Variants in ABCA13 observed in about 807,000 individuals in gnomAD.
ABCA13 encodes the protein ATP-binding cassette sub-family A member 13.
A neutral mutation model predicts 478.7 loss-of-function variants in ABCA13; 476 were observed. The observed-to-expected ratio is 0.99, with a 90% CI of 0.92 to 1.07. ABCA13 has a LOEUF of 1.07. ABCA13 is among the 50% of genes least tolerant of loss of function. ABCA13 has a pLI of 0.00. For synonymous variants in ABCA13, 2,252 were observed against 2,158.9 expected, an observed-to-expected ratio of 1.04 and a Z score of -1.20; for missense variants, 6,060 against 5,910.6, an observed-to-expected ratio of 1.03 and a Z score of -0.83.
intron 19 of ABCA13, among the ~76,000 whole-genome samples, chr7:48,282,459 CA>C: frequency 6.6e-6 from 1 of 152,024 alleles, no homozygotes; most frequent in East Asian, 1.9e-4. Context: ...TGGGTTTTGA[CA>C]ACATGAATCG....
chr7:48,374,409 A>G lies in ABCA13; in HGVS notation c.11196A>G (p.Gln3732=). 1 of 1,608,812 alleles carries G rather than the reference A, an allele frequency of 6.2e-7. No individual in the cohort carries two copies. Among genetic ancestry groups the G allele is most frequent in the Non-Finnish European group, 8.5e-7 (1 of 1,177,692 alleles). The change falls in exon 34 of 62, where the codon CAA becomes CAG. Residue 3732 remains glutamine (Q), a synonymous_variant. Coordinates refer to ENST00000435803, the MANE Select transcript of ABCA13 (RefSeq NM_152701.5). ...TTTTTATTACATTCCTGGAAGGACA[A>G]GAGACAGGTAAGAGCATGCATGTGT... ...GVFFITFLEG[Q]ETGIQWNNMY...
intron 27 of ABCA13, among the ~76,000 whole-genome samples, chr7:48,335,221 A>G (rs775817121): frequency 1.3e-5 from 2 of 152,324 alleles, no homozygotes; most frequent in Middle Eastern, 3.4e-3. Flanking sequence ...CCCTGGATGG[A>G]CAGAGTCAAG....
At chr7:48,407,427 G>C (rs1818409343) in intron 39 of ABCA13, among the ~76,000 whole-genome samples, 1 of 151,436 alleles carries the variant, frequency 6.6e-6, no homozygotes, top group Non-Finnish European at 1.5e-5. Context: ...AGTGAGCTGA[G>C]ACTGTGCCAC....
At chr7:48,330,497 A>G (rs555973496) in intron 27 of ABCA13, among the ~76,000 whole-genome samples, 1 of 150,246 alleles carries the variant, frequency 6.7e-6, no homozygotes, top group South Asian at 2.1e-4. Flanking sequence ...CCATCCATCC[A>G]TCCATCCATC....
chr7:48,477,559 C>T (rs1326932509), intron 45 of ABCA13, among the ~76,000 whole-genome samples: 1 of 151,894 alleles, frequency 6.6e-6, no homozygotes, highest in African/African-American at 2.4e-5. Context: ...ACTATGCAGC[C>T]ATAAAAAATA....
rs779389703 is a variant in ABCA13, at chr7:48,352,348, G to A, written c.10549G>A (p.Gly3517Arg). ...CCACCCTCAGAATCTACCAGCTGAT[G>A]GGTTCAAATATAACTACGTCTTTGC... ...KFHPQNLPAD[G>R]FKYNYVFAPL... Residue 3517 changes from glycine to arginine, a missense_variant, in exon 31 of 62, where the codon GGG becomes AGG. Physicochemically the swap from Gly to Arg is moderately radical, Grantham distance 125. Around this residue, in one of 3 missense-constraint regions of ABCA13, gnomAD observed 4,423 missense variants for 4,309.1 expected, o/e 1.03. Transcript: ENST00000435803. 4 of 1,613,742 alleles carry A rather than the reference G, an allele frequency of 2.5e-6. No individual in the cohort carries two copies. The South Asian group carries it at 3.3e-5, about 13-fold the overall frequency.
chr7:48,257,803 G>A (rs1247291502), intron 15 of ABCA13, among the ~76,000 whole-genome samples: 1 of 152,192 alleles, frequency 6.6e-6, no homozygotes, highest in East Asian at 1.9e-4. Context: ...TTGGTATCAG[G>A]ATGATGCTAG....
intron 3 of ABCA13, among the ~76,000 whole-genome samples, chr7:48,209,876 T>C (rs1584209494): frequency 6.6e-6 from 1 of 152,300 alleles, no homozygotes; most frequent in East Asian, 1.9e-4. Flanking sequence ...GTCTTCTCTG[T>C]TTTTTCCTAT....
At chr7:48,623,719 A>G (rs567640308) in intron 59 of ABCA13, among the ~76,000 whole-genome samples, 15 of 152,300 alleles carry the variant, frequency 9.8e-5, no homozygotes, top group African/African-American at 2.9e-4. Flanking sequence ...CTCTTAAAGT[A>G]GCTTTCTGTC....
intron 44 of ABCA13, among the ~76,000 whole-genome samples, chr7:48,468,298 G>C (rs941654974): frequency 7.2e-5 from 11 of 152,102 alleles, no homozygotes; most frequent in African/African-American, 2.7e-4. Context: ...TCCTCTCTCT[G>C]TTCCATGAGC....
chr7:48,631,068 A>G (rs2131636794), intron 59 of ABCA13, among the ~76,000 whole-genome samples: 1 of 151,826 alleles, frequency 6.6e-6, no homozygotes, highest in Non-Finnish European at 1.5e-5. Flanking sequence ...TTGGGTGCAT[A>G]GTTTGGAAAT....
At chr7:48,195,288 T>C (rs949980166) in intron 2 of ABCA13, among the ~76,000 whole-genome samples, 3 of 152,174 alleles carry the variant, frequency 2.0e-5, no homozygotes, top group Non-Finnish European at 4.4e-5. Flanking sequence ...AAGGTCATAA[T>C]AAAATGAGCA....
At chr7:48,575,843 T>A (rs868115703) in intron 55 of ABCA13, among the ~76,000 whole-genome samples, 2 of 152,010 alleles carry the variant, frequency 1.3e-5, no homozygotes, top group Admixed American at 6.6e-5. Flanking sequence ...AGATTTGAGG[T>A]CAGAAAGCAA....
intron 5 of ABCA13, among the ~76,000 whole-genome samples, chr7:48,225,189 CTTCT>C (rs1363172709): frequency 2.7e-5 from 4 of 146,926 alleles, no homozygotes; most frequent in Admixed American, 6.9e-5. Flanking sequence ...TCCTTCCTTC[CTTCT>C]TTGCTTCCTT....
chr7:48,397,475 GTAA>G, intron 38 of ABCA13, among the ~76,000 whole-genome samples: 1 of 150,446 alleles, frequency 6.6e-6, no homozygotes, highest in African/African-American at 2.4e-5. Flanking sequence ...AATTAAAATT[GTAA>G]AAAAAAAAAA....
rs1797021660 is a variant in ABCA13 at position 48,281,455 on chromosome 7, G to C, written c.8836+3G>C. On this transcript the variant is annotated splice_donor_region_variant and intron_variant, in intron 19 of 61. Coordinates refer to ENST00000435803, the MANE Select transcript of ABCA13 (RefSeq NM_152701.5). ...ACGTGTGCTCACCATCGTTGCAGGT[G>C]GGCTGCTCATATAACAAGTGCTCTG... 1.3e-6 allele frequency: 2 copies of C among 1,586,620 alleles called. No homozygotes were observed. The highest frequency in any genetic ancestry group is 1.7e-6 in the Non-Finnish European group (2 of 1,165,994).
chr7:48,347,448 G>A (rs1808291580), intron 29 of ABCA13, among the ~76,000 whole-genome samples: 1 of 152,210 alleles, frequency 6.6e-6, no homozygotes, highest in Non-Finnish European at 1.5e-5. Context: ...ACAAGGCACC[G>A]TCAGCACAGT....
intron 39 of ABCA13, among the ~76,000 whole-genome samples, chr7:48,406,842 C>G (rs1167459260): frequency 6.6e-6 from 1 of 151,844 alleles, no homozygotes; most frequent in Non-Finnish European, 1.5e-5. Flanking sequence ...CACTGCACTC[C>G]AGCCTGGGTG....
intron 57 of ABCA13, among the ~76,000 whole-genome samples, chr7:48,590,909 C>T (rs1397349254): frequency 6.6e-6 from 1 of 151,834 alleles, no homozygotes; most frequent in Non-Finnish European, 1.5e-5. Context: ...ATATTTTATC[C>T]CCCGCTGTAG....
Sources: gnomAD v4.1 joint callset for allele counts (sites outside exome capture counted in the v4.1 genomes callset) on GRCh38, gnomAD v4.1.1 for gene constraint, gnomAD v4.1.1 regional missense constraint, MANE v1.5 for transcripts, NCBI Gene and HGNC (gene_info 2026-07-23, HGNC 2026-07-21) for gene names.